TRIM16: variants seen among roughly 807,000 people sequenced by gnomAD.
TRIM16 encodes tripartite motif-containing protein 16.
TRIM16 carries 33 observed loss-of-function variants against 50.4 expected under a neutral mutation model. The ratio of observed to expected loss-of-function variants is 0.65; its 90% confidence interval spans 0.50 to 0.88. The LOEUF (loss-of-function observed/expected upper bound fraction) is 0.88. Ranked by LOEUF, TRIM16 falls within the 40% of genes least tolerant of loss-of-function variation. The pLI is 0.00. For missense variants in TRIM16, 581 were observed against 686.8 expected (o/e 0.85, Z 1.72); for synonymous variants, 229 against 270.7 (o/e 0.85, Z 1.51).
At position 15,641,879 on chromosome 17, in the gene TRIM16, G is replaced by A. The variant is rs1464520923; in HGVS notation, c.615+842C>T. On this transcript the variant is annotated intron_variant, in intron 8 of 11. Coordinates refer to ENST00000649191, the MANE Select transcript of TRIM16 (RefSeq NM_001348119.1). Reference sequence around the variant, plus strand: ...TTTTTTTGAAACAGAGTCTTACTCTGTTACCCAGGCTGGAGTACAATGGTG... The same window carrying A: ...TTTTTTTGAAACAGAGTCTTACTCTATTACCCAGGCTGGAGTACAATGGTG... 1.3e-5 allele frequency among the ~76,000 whole-genome samples: 2 copies of A among 148,682 alleles called. 1 individual carries two copies. Among genetic ancestry groups the A allele is most frequent in the East Asian group, 4.0e-4 (2 of 4,946 alleles).
intron 6 of TRIM16, among the ~76,000 whole-genome samples, chr17:15,675,281 A>G (rs1291456777): frequency 5.3e-5 from 8 of 152,234 alleles, no homozygotes; most frequent in Admixed American, 5.2e-4. Flanking sequence ...CCCTTAAAAT[A>G]TAATAAAGCA....
chr17:15,678,148 G>A (rs1989026131), intron 4 of TRIM16, among the ~76,000 whole-genome samples: 1 of 151,924 alleles, frequency 6.6e-6, no homozygotes, highest in Non-Finnish European at 1.5e-5. Context: ...GAACCCGGGA[G>A]GCGAAGCTTG....
At chr17:15,648,934 G>A (rs1021663925) in intron 7 of TRIM16, among the ~76,000 whole-genome samples, 2 of 152,172 alleles carry the variant, frequency 1.3e-5, no homozygotes, top group Non-Finnish European at 2.9e-5. Context: ...TTTTAGCACT[G>A]TACCTAAAGC....
chr17:15,660,333 C>G (rs1260788045), intron 6 of TRIM16, among the ~76,000 whole-genome samples: 1 of 152,208 alleles, frequency 6.6e-6, no homozygotes, highest in African/African-American at 2.4e-5. Context: ...TCTGCCTCAG[C>G]CAAGTCCGCT....
At chr17:15,650,210 T>C (rs546511199) in intron 7 of TRIM16, among the ~76,000 whole-genome samples, 4 of 152,308 alleles carry the variant, frequency 2.6e-5, no homozygotes, top group African/African-American at 9.6e-5. Flanking sequence ...CCACCTGCAC[T>C]CAGTGTCAAC....
Position 15,629,128 on chromosome 17 carries a change from C to A in TRIM16, c.1182G>T (p.Lys394Asn). The change falls in exon 12 of 12, where the codon AAG (lysine) becomes AAT (asparagine). Residue 394 changes from lysine to asparagine, a missense_variant. Lys to Asn is a moderately conservative substitution (Grantham distance 94). This residue lies in a region of TRIM16 where 450 missense variants were observed against 544.3 expected (regional missense o/e 0.83). Transcript: ENST00000649191. ...KYLRLQEENR[K>N]VTNTTPWEHP... ...GCTCCCAGGGCGTGGTGTTGGTGACCTTGCGGTTCTCCTCCTGCAGCCGGA... is the reference window on the plus strand; with the variant it reads ...GCTCCCAGGGCGTGGTGTTGGTGACATTGCGGTTCTCCTCCTGCAGCCGGA... 1 of 1,613,246 alleles carries A rather than the reference C, an allele frequency of 6.2e-7. No individual in the cohort carries two copies. Among genetic ancestry groups the A allele is most frequent in the Non-Finnish European group, 8.5e-7 (1 of 1,179,460 alleles).
intron 6 of TRIM16, among the ~76,000 whole-genome samples, chr17:15,674,533 C>T (rs1040447609): frequency 2.4e-4 from 36 of 152,128 alleles, no homozygotes; most frequent in African/African-American, 8.5e-4. Flanking sequence ...CACACTGCCC[C>T]ACCGCACACC....
rs1987315599 is a variant in TRIM16, at chr17:15,645,311, T to C, written c.520-2495A>G. Among the ~76,000 whole-genome samples the C allele has an allele frequency of 2.0e-5, 3 of 152,138 alleles. No homozygotes were observed. In the South Asian group the frequency reaches 6.2e-4, roughly 31 times the overall value. ...TCAGTGGGTGCCAGCATCGTCATCA[T>C]CATCATTATTACTCCTGCTACCATG... is the stretch of plus-strand genomic sequence containing the variant. On this transcript the variant is annotated intron_variant, in intron 7 of 11. Transcript: ENST00000649191.
intron 6 of TRIM16, among the ~76,000 whole-genome samples, chr17:15,663,533 T>C (rs999817713): frequency 2.0e-5 from 3 of 152,080 alleles, no homozygotes; most frequent in Non-Finnish European, 4.4e-5. Context: ...AAGCCGAGGA[T>C]AAAGAAACAG....
chr17:15,663,630 G>A (rs1304528040), intron 6 of TRIM16, among the ~76,000 whole-genome samples: 2 of 152,096 alleles, frequency 1.3e-5, no homozygotes, highest in East Asian at 1.9e-4. Context: ...GTAAGATAAC[G>A]TGTCCTTATT....
At chr17:15,667,009 A>G (rs1167345100) in intron 6 of TRIM16, among the ~76,000 whole-genome samples, 1 of 152,198 alleles carries the variant, frequency 6.6e-6, no homozygotes, top group Non-Finnish European at 1.5e-5. Flanking sequence ...TAATAGGCTT[A>G]TGAATGGGAT....
At chr17:15,648,827 G>C (rs898163823) in intron 7 of TRIM16, among the ~76,000 whole-genome samples, 4 of 152,198 alleles carry the variant, frequency 2.6e-5, no homozygotes, top group Admixed American at 2.6e-4. Flanking sequence ...GAGTAAACTT[G>C]CTCTCCGAGC....
intron 6 of TRIM16, among the ~76,000 whole-genome samples, chr17:15,675,317 T>C (rs1397708396): frequency 6.6e-6 from 1 of 152,096 alleles, no homozygotes; most frequent in Non-Finnish European, 1.5e-5. Context: ...CCTATAAAAG[T>C]ATAATTCTTT....
intron 7 of TRIM16, among the ~76,000 whole-genome samples, chr17:15,644,321 G>A (rs1987255474): frequency 6.6e-6 from 1 of 152,118 alleles, no homozygotes; most frequent in African/African-American, 2.4e-5. Context: ...GAGGAGCTGG[G>A]ACTACAGGTA....
At chr17:15,653,222 A>AC (rs1304748039) in intron 6 of TRIM16, among the ~76,000 whole-genome samples, 1 of 151,660 alleles carries the variant, frequency 6.6e-6, no homozygotes, top group African/African-American at 2.4e-5. Flanking sequence ...CAGCTCCCCT[A>AC]CCCCTTCCAC....
At chr17:15,666,955 G>A (rs1988524947) in intron 6 of TRIM16, among the ~76,000 whole-genome samples, 1 of 152,210 alleles carries the variant, frequency 6.6e-6, no homozygotes, top group African/African-American at 2.4e-5. Context: ...TTTTTATTCA[G>A]TCTAATAATC....
chr17:15,665,814 T>C (rs1299529529), intron 6 of TRIM16, among the ~76,000 whole-genome samples: 1 of 152,110 alleles, frequency 6.6e-6, no homozygotes, highest in Non-Finnish European at 1.5e-5. Context: ...AGCTCAACTT[T>C]CAGACCTGTA....
In TRIM16 at chr17:15,680,943, A is replaced by C; in HGVS notation, c.-668T>G. 6.5e-7 allele frequency: 1 copy of C among 1,529,590 alleles called. No individual in the cohort carries two copies. Among genetic ancestry groups the C allele is most frequent in the Non-Finnish European group, 8.8e-7 (1 of 1,140,308 alleles). 94.8% of individuals were successfully genotyped at this position (1,529,590 alleles called of 1,614,324 possible). A position where few individuals can be genotyped will look rare whatever the true frequency, so the allele number is the denominator to read the frequency against. ...CCTTTTGGGAAAGGGCAGGGTCCTC[A>C]GAGGGCAGAACTGGAAGGAAATTGA... On this transcript the variant is annotated 5_prime_UTR_variant, in exon 4 of 12. The change abolishes the stop of an existing upstream ORF in the 5' untranslated region. Transcript: ENST00000649191.
At chr17:15,662,422 C>G (rs1419395075) in intron 6 of TRIM16, among the ~76,000 whole-genome samples, 3 of 152,168 alleles carry the variant, frequency 2.0e-5, no homozygotes, top group African/African-American at 7.2e-5. Context: ...ACTGGGCTTT[C>G]TTTAAACTTC....
Sources: gnomAD v4.1 joint callset for allele counts (sites outside exome capture counted in the v4.1 genomes callset) on GRCh38, gnomAD v4.1.1 for gene constraint, gnomAD v4.1.1 regional missense constraint, MANE v1.5 for transcripts, NCBI Gene and HGNC (gene_info 2026-07-23, HGNC 2026-07-21) for gene names.